SNX29: variants seen among roughly 807,000 people sequenced by gnomAD.
SNX29 encodes the protein sorting nexin-29.
In SNX29, 78 loss-of-function variants were observed where a neutral mutation model predicts 102.1. The observed-to-expected ratio is 0.76, with a 90% confidence interval of 0.64 to 0.92. The LOEUF (loss-of-function observed/expected upper bound fraction) is 0.92. Ranked by LOEUF, SNX29 falls within the 40% of genes least tolerant of loss-of-function variation. The pLI, the probability that SNX29 is intolerant of heterozygous loss-of-function variation, is 0.00. For missense variants in SNX29, 1,280 were observed against 1,061.7 expected, an observed-to-expected ratio of 1.21 and a Z score of -2.86; for synonymous variants, 580 against 414.5, an observed-to-expected ratio of 1.40 and a Z score of -4.85.
chr16:12,022,716 T>C (rs1380858276), intron 3 of SNX29, among the ~76,000 whole-genome samples: 2 of 152,162 alleles, frequency 1.3e-5, no homozygotes, highest in African/African-American at 4.8e-5. Flanking sequence ...CTGATAATCC[T>C]ATTGTAGAGT....
chr16:12,485,737 A>C (rs554253138), intron 19 of SNX29, among the ~76,000 whole-genome samples: 1 of 152,206 alleles, frequency 6.6e-6, no homozygotes, highest in Non-Finnish European at 1.5e-5. Flanking sequence ...GTCCTTAAGA[A>C]GCTGGCAGTC....
At chr16:12,316,502 C>A (rs1596878425) in intron 15 of SNX29, among the ~76,000 whole-genome samples, 1 of 152,138 alleles carries the variant, frequency 6.6e-6, no homozygotes, top group Non-Finnish European at 1.5e-5. Context: ...GAGATTGTGC[C>A]ACTGCACTCC....
intron 13 of SNX29, among the ~76,000 whole-genome samples, chr16:12,182,152 G>T (rs1364636024): frequency 6.7e-6 from 1 of 148,544 alleles, no homozygotes; most frequent in Admixed American, 6.7e-5. Flanking sequence ...CTCCCAAAGT[G>T]CTGGGATAAC....
At chr16:12,178,050 A>G (rs531144521) in intron 13 of SNX29, among the ~76,000 whole-genome samples, 132 of 152,330 alleles carry the variant, frequency 8.7e-4, no homozygotes, top group Admixed American at 2.0e-3. Context: ...TGTTTCAGAC[A>G]TTGCTGGTAA....
At chr16:12,533,077 GC>G (rs2141185612) in intron 20 of SNX29, among the ~76,000 whole-genome samples, 1 of 152,342 alleles carries the variant, frequency 6.6e-6, no homozygotes, top group Non-Finnish European at 1.5e-5. Flanking sequence ...GCAAGCCACA[GC>G]CCACATCACA....
At chr16:12,032,498 G>A (rs1596645734) in intron 4 of SNX29, among the ~76,000 whole-genome samples, 1 of 151,934 alleles carries the variant, frequency 6.6e-6, no homozygotes. Flanking sequence ...GAGCAACCGC[G>A]CCTGGCCCAG....
At chr16:12,345,120 C>T (rs904045731) in intron 15 of SNX29, among the ~76,000 whole-genome samples, 2 of 152,206 alleles carry the variant, frequency 1.3e-5, no homozygotes, top group Non-Finnish European at 2.9e-5. Context: ...GTGGCTTTGG[C>T]AGTGATCTCC....
chr16:12,291,400 C>A (rs538700198), intron 15 of SNX29, among the ~76,000 whole-genome samples: 2 of 152,124 alleles, frequency 1.3e-5, no homozygotes, highest in Non-Finnish European at 2.9e-5. Flanking sequence ...CTCACTGTCA[C>A]GAGAACAGCA....
intron 18 of SNX29, among the ~76,000 whole-genome samples, chr16:12,462,020 C>T (rs58554667): frequency 0.012 from 844 of 72,236 alleles, 4 homozygotes; most frequent in Non-Finnish European, 0.015. Flanking sequence ...TATGTATACA[C>T]ACACACACAC....
chr16:12,044,632 G>A (rs2151188088), intron 5 of SNX29, among the ~76,000 whole-genome samples: 1 of 152,280 alleles, frequency 6.6e-6, no homozygotes, highest in Non-Finnish European at 1.5e-5. Flanking sequence ...AGGCTGGAGT[G>A]TAGTGGCGCG....
intron 13 of SNX29, among the ~76,000 whole-genome samples, chr16:12,176,552 C>T (rs930871308): frequency 6.6e-6 from 1 of 152,072 alleles, no homozygotes; most frequent in South Asian, 2.1e-4. Flanking sequence ...AAATAGTATA[C>T]CAATTATTTA....
intron 19 of SNX29, among the ~76,000 whole-genome samples, chr16:12,478,738 C>T (rs1183487187): frequency 1.3e-5 from 2 of 152,168 alleles, no homozygotes; most frequent in Non-Finnish European, 2.9e-5. Context: ...TGCTTTGGAT[C>T]CCCTGGGGAG....
chr16:12,258,583 T>A (rs1271381503), intron 14 of SNX29, among the ~76,000 whole-genome samples: 3 of 152,134 alleles, frequency 2.0e-5, no homozygotes, highest in African/African-American at 7.2e-5. Flanking sequence ...AGCAGAACTG[T>A]CTCTCATGTT....
intron 18 of SNX29, among the ~76,000 whole-genome samples, chr16:12,454,485 A>T (rs780719017): frequency 3.3e-5 from 5 of 152,220 alleles, no homozygotes; most frequent in Non-Finnish European, 7.3e-5. Context: ...GACATAGCAC[A>T]TGGCGTTTAG....
chr16:12,320,506 G>A (rs1201822884), intron 15 of SNX29, among the ~76,000 whole-genome samples: 9 of 152,338 alleles, frequency 5.9e-5, no homozygotes, highest in Middle Eastern at 3.4e-3. Context: ...GCTGGGAACC[G>A]TGACACGTTA....
chr16:12,542,835 A>G (rs541763712), intron 20 of SNX29, among the ~76,000 whole-genome samples: 27 of 151,936 alleles, frequency 1.8e-4, no homozygotes, highest in African/African-American at 5.8e-4. Context: ...AGGTGTGTGG[A>G]CCCATGAGCA....
At chr16:12,152,468 G>C (rs909262148) in intron 13 of SNX29, among the ~76,000 whole-genome samples, 1 of 152,162 alleles carries the variant, frequency 6.6e-6, no homozygotes, top group Non-Finnish European at 1.5e-5. Flanking sequence ...ACTGCCCTGG[G>C]CTTTGCATTG....
intron 19 of SNX29, among the ~76,000 whole-genome samples, chr16:12,516,500 A>AG (rs2089873083): frequency 6.8e-6 from 1 of 147,874 alleles, no homozygotes; most frequent in Non-Finnish European, 1.5e-5. Flanking sequence ...AAAAAAAAAA[A>AG]GGTGCAGGAT....
chr16:12,127,192 G>T (rs924104278), intron 12 of SNX29, among the ~76,000 whole-genome samples: 1 of 151,262 alleles, frequency 6.6e-6, no homozygotes, highest in African/African-American at 2.4e-5. Flanking sequence ...CCGGGAGGCG[G>T]AGGTTGCAGT....
Sources: allele counts gnomAD v4.1 joint callset (sites outside exome capture counted in the v4.1 genomes callset), GRCh38; gene constraint gnomAD v4.1.1; transcripts MANE v1.5; gene names NCBI Gene and HGNC (gene_info 2026-07-23, HGNC 2026-07-21).